HMCN2: variants seen among roughly 807,000 people sequenced by gnomAD.
HMCN2 encodes the protein hemicentin 2.
HMCN2 carries 325 observed loss-of-function variants against 377.5 expected under a neutral mutation model. That is an observed-to-expected ratio of 0.86 (90% CI 0.79 to 0.94). The LOEUF is 0.94. Among genes scored for constraint, HMCN2 ranks in the 40% least tolerant of loss-of-function variants. HMCN2 has a pLI of 0.00. For missense variants in HMCN2, 4,543 were observed against 4,725.3 expected, an observed-to-expected ratio of 0.96 and a Z score of 1.13; for synonymous variants, 2,007 against 2,046.8, an observed-to-expected ratio of 0.98 and a Z score of 0.53.
intron 75 of HMCN2, 60 bp downstream of exon 75, chr9:130,398,767 T>A: frequency 8.5e-7 from 1 of 1,178,200 alleles, no homozygotes; most frequent in Non-Finnish European, 1.1e-6. Context: ...GGCACTCTCT[T>A]CTCACGGGGG....
intron 4 of HMCN2, among the ~76,000 whole-genome samples, chr9:130,290,654 C>T (rs527296645): frequency 3.9e-5 from 6 of 152,200 alleles, no homozygotes; most frequent in South Asian, 2.1e-4. Context: ...TGTCCACCCC[C>T]ACATGGACGA....
At chr9:130,326,636 C>T (rs1180387338) in intron 21 of HMCN2, among the ~76,000 whole-genome samples, 5 of 151,740 alleles carry the variant, frequency 3.3e-5, no homozygotes, top group East Asian at 1.9e-4. Context: ...TACAAATGTA[C>T]GGGGAACACG....
intron 73 of HMCN2, among the ~76,000 whole-genome samples, chr9:130,396,731 A>G (rs79534839): frequency 0.042 from 6,316 of 152,184 alleles, 240 homozygotes; most frequent in African/African-American, 0.1. Context: ...CTAAATTCCC[A>G]GGGCACAGAA....
intron 86 of HMCN2, among the ~76,000 whole-genome samples, chr9:130,421,140 T>A (rs1322332748): frequency 6.6e-6 from 1 of 152,222 alleles, no homozygotes; most frequent in African/African-American, 2.4e-5. Context: ...CTGCCATTTT[T>A]ACTTCCTCTA....
rs1324696628 is a variant in HMCN2 at position 130,345,611 on chromosome 9, G to GTGTGTGGTGTGTATGTGC, written c.3830-1543_3830-1542insATGTGCTGTGTGGTGTGT. On this transcript the variant is annotated intron_variant, in intron 25 of 97. Transcript: ENST00000683500. ...TATGGTGTTTCGTGTGTGTAGTGTG[G>GTGTGTGGTGTGTATGTGC]TGTGTGGTGTGTGTATCGTGTTGTG... 6.6e-5 allele frequency among the ~76,000 whole-genome samples: 10 copies of GTGTGTGGTGTGTATGTGC among 151,322 alleles called. No homozygotes were observed. In the South Asian group the frequency reaches 1.0e-3, roughly 16 times the overall value.
intron 15 of HMCN2, among the ~76,000 whole-genome samples, chr9:130,318,023 G>T (rs984759206): frequency 6.0e-4 from 92 of 152,256 alleles, no homozygotes; most frequent in African/African-American, 2.2e-3. Context: ...ACCCCTGGGG[G>T]CCAGGGCTCT....
chr9:130,420,065 CTTTTTTTTTT>C (rs10586199), intron 86 of HMCN2, among the ~76,000 whole-genome samples: 1 of 77,028 alleles, frequency 1.3e-5, no homozygotes, highest in African/African-American at 5.1e-5. Context: ...CGTCCCACTT[CTTTTTTTTTT>C]TTTTTTTTTT....
intron 1 of HMCN2, among the ~76,000 whole-genome samples, chr9:130,271,386 G>T (rs1554921100): frequency 1.3e-5 from 2 of 148,784 alleles, no homozygotes; most frequent in East Asian, 1.9e-4. Context: ...CATGAGAGTT[G>T]TCTCTTCTGC....
At chr9:130,305,025 T>G (rs1467987778) in intron 11 of HMCN2, 23 bp downstream of exon 11, 1 of 461,446 alleles carries the variant, frequency 2.2e-6, no homozygotes, top group Non-Finnish European at 4.6e-6. Flanking sequence ...CTGCTGCTGC[T>G]GTTCCCCTAA....
At chr9:130,397,482 A>AC (rs1481231394) in intron 73 of HMCN2, 46 bp from the exon 74 acceptor site, 9 of 1,284,322 alleles carry the variant, frequency 7.0e-6, no homozygotes, top group Non-Finnish European at 9.1e-6. Context: ...CTTGCTCCAG[A>AC]CCCCACTGGC....
At chr9:130,365,018 G>A in intron 41 of HMCN2, 129 bp downstream of exon 41, 1 of 491,272 alleles carries the variant, frequency 2.0e-6, no homozygotes, top group Non-Finnish European at 2.6e-6. Context: ...AAAACCCCAG[G>A]ACTGGTTCCT....
rs1188788480 is a variant in HMCN2, at chr9:130,422,732, T to C, written c.13381+6T>C. The C allele has an allele frequency of 2.4e-6, 3 of 1,275,460 alleles. No individual in the cohort carries two copies. Among genetic ancestry groups the C allele is most frequent in the Non-Finnish European group, 3.0e-6 (3 of 1,002,562 alleles). The allele number at this position is 1,275,460 out of a possible 1,614,324, so 79.0% of individuals were successfully genotyped here. ...CCATGTCCCAGCAAACGTGGGTGAG[T>C]GGAAGGCAGAGCATCACCTGCCTCT... On this transcript the variant is annotated splice_donor_region_variant and intron_variant, in intron 87 of 97. Transcript: ENST00000683500. The surrounding 1 kb of genome is among the most constrained non-coding windows in gnomAD (Gnocchi z 4.2).
Position 130,393,888 on chromosome 9 carries a change from C to T in HMCN2, c.10381C>T (p.Leu3461Phe). 7.8e-7 allele frequency: 1 copy of T among 1,289,620 alleles called. No homozygotes were observed. Among genetic ancestry groups the T allele is most frequent in the Non-Finnish European group, 1.0e-6 (1 of 988,810 alleles). 79.9% of individuals were successfully genotyped at this position (1,289,620 alleles called of 1,614,324 possible). A position where few individuals can be genotyped will look rare whatever the true frequency, so the allele number is the denominator to read the frequency against. ...TGGGGAACCCTTGTTGTCCCAGAGC[C>T]TCGAGCAGGGGCCCAGCCTGCAGCT... ...KDGEPLLSQS[L>F]EQGPSLQLEA... is the part of the protein sequence containing the mutation. The change falls in exon 68 of 98, where the codon CTC becomes TTC. Residue 3461 changes from leucine to phenylalanine, a missense_variant. This residue lies in a region of HMCN2 where 1,073 missense variants were observed against 1,319.5 expected (regional missense o/e 0.81). Coordinates refer to ENST00000683500, the MANE Select transcript of HMCN2 (RefSeq NM_001291815.2). This position sits in a 1 kb window ranked among gnomAD's most constrained non-coding sequence, Gnocchi z 5.2.
chr9:130,338,762 G>A lies in HMCN2; in HGVS notation c.3487+741G>A, dbSNP rs1838896504. Among the ~76,000 whole-genome samples, 5 of 152,166 alleles carry A rather than the reference G, an allele frequency of 3.3e-5. No individual in the cohort carries two copies. The South Asian group carries it at 1.0e-3, about 31-fold the overall frequency. On this transcript the variant is annotated intron_variant, in intron 23 of 97. Coordinates refer to ENST00000683500, the MANE Select transcript of HMCN2 (RefSeq NM_001291815.2). ...AAGACAGGCCCAACTATGGCCCAAG[G>A]GCCCAATCTGCCCTCCTGTTTTCAG...
chr9:130,332,726 A>G (rs1343057377), intron 22 of HMCN2, among the ~76,000 whole-genome samples: 2 of 152,328 alleles, frequency 1.3e-5, no homozygotes, highest in South Asian at 2.1e-4. Flanking sequence ...GTCAGGCTAC[A>G]GGAAGAAGAC....
chr9:130,267,020 G>C (rs1203894483), intron 1 of HMCN2, among the ~76,000 whole-genome samples: 2 of 151,756 alleles, frequency 1.3e-5, no homozygotes. Context: ...ATCACAGCTC[G>C]CTGCAGCCTC....
rs1276434276 is a variant in HMCN2 at position 130,400,899 on chromosome 9, G to A, written c.11722G>A (p.Gly3908Ser). ...TCCGACCGTGTCCTGGAGCAAGGCA[G>A]GCGCCCAGCTAGGAGCTCGGGGGAG... ...PAPTVSWSKA[G>S]AQLGARGSGY... The change falls in exon 77 of 98, where the codon GGC becomes AGC. Residue 3908 changes from glycine (G) to serine (S), a missense_variant. Physicochemically the swap from Gly to Ser is moderately conservative, Grantham distance 56 (BLOSUM62 0). Coordinates refer to ENST00000683500, the MANE Select transcript of HMCN2 (RefSeq NM_001291815.2). 4 of 1,289,554 alleles carry A rather than the reference G, an allele frequency of 3.1e-6. No individual in the cohort carries two copies. The East Asian group carries it at 2.2e-4, about 72-fold the overall frequency. The allele number at this position is 1,289,554 out of a possible 1,614,324, so 79.9% of individuals were successfully genotyped here.
At position 130,351,959 on chromosome 9, in the gene HMCN2, C is replaced by T. The variant is rs1281713814; in HGVS notation, c.4585+382C>T. Among the ~76,000 whole-genome samples the T allele has an allele frequency of 6.6e-6, 1 of 151,986 alleles. No individual in the cohort carries two copies. Among genetic ancestry groups the T allele is most frequent in the African/African-American group, 2.4e-5 (1 of 41,364 alleles). On this transcript the variant is annotated intron_variant, in intron 30 of 97. Coordinates refer to ENST00000683500, the MANE Select transcript of HMCN2 (RefSeq NM_001291815.2). This position sits in a 1 kb window ranked among gnomAD's most constrained non-coding sequence, Gnocchi z 5.4. ...CCCGAGTAGCTGGGATTACAGGTGCCCACCACCACACCCAGTTCATTTTTG... is the reference window on the plus strand; with the variant it reads ...CCCGAGTAGCTGGGATTACAGGTGCTCACCACCACACCCAGTTCATTTTTG...
rs866833246 is a variant in HMCN2 at position 130,408,945 on chromosome 9, C to A, written c.12879+12C>A. The stretch of plus-strand genomic sequence containing the variant: ...TCCGCAGGACTGAGGCAAGGCGGGG[C>A]CTGGCACCTTGGGTGGGGCCACTGA... On this transcript the variant is annotated intron_variant, in intron 84 of 97. Coordinates refer to ENST00000683500, the MANE Select transcript of HMCN2 (RefSeq NM_001291815.2). The A allele has an allele frequency of 2.3e-6, 3 of 1,285,312 alleles. No individual in the cohort carries two copies. Among genetic ancestry groups the A allele is most frequent in the Middle Eastern group, 2.4e-4 (1 of 4,202 alleles). The allele number at this position is 1,285,312 out of a possible 1,614,324, so 79.6% of individuals were successfully genotyped here.
Sources: gnomAD v4.1 joint callset for allele counts (sites outside exome capture counted in the v4.1 genomes callset) on GRCh38, gnomAD v4.1.1 for gene constraint, gnomAD v4.1.1 regional missense constraint, Gnocchi (gnomAD v3.1) non-coding constraint, MANE v1.5 for transcripts, NCBI Gene and HGNC (gene_info 2026-07-23, HGNC 2026-07-21) for gene names.